The following CNTNAP5 variants were observed in gnomAD, a reference collection of about 807,000 sequenced individuals.
CNTNAP5 encodes the protein contactin-associated protein-like 5.
In CNTNAP5, 72 loss-of-function variants were observed where a neutral mutation model predicts 150.2. The observed-to-expected ratio is 0.48, with a 90% CI of 0.40 to 0.58. CNTNAP5 has a LOEUF of 0.58. CNTNAP5 is among the 20% of genes least tolerant of loss of function. The pLI is 0.00. For missense variants in CNTNAP5, 1,636 were observed against 1,626.2 expected (o/e 1.01, Z -0.10); for synonymous variants, 672 against 619.8 (o/e 1.08, Z -1.25).
chr2:124,706,952 G>C (rs1483300553), intron 13 of CNTNAP5, among the ~76,000 whole-genome samples: 2 of 133,922 alleles, frequency 1.5e-5, no homozygotes, highest in African/African-American at 3.0e-5. Context: ...GGAGGAGGAG[G>C]AGGAGGAGGA....
At chr2:124,662,434 A>G (rs187860176) in intron 13 of CNTNAP5, among the ~76,000 whole-genome samples, 1 of 152,206 alleles carries the variant, frequency 6.6e-6, no homozygotes, top group Non-Finnish European at 1.5e-5. Flanking sequence ...ACCCTTGTAC[A>G]TGAGATCTGT....
At chr2:124,557,403 C>T (rs1423719192) in intron 10 of CNTNAP5, among the ~76,000 whole-genome samples, 1 of 152,096 alleles carries the variant, frequency 6.6e-6, no homozygotes, top group African/African-American at 2.4e-5. Flanking sequence ...TGCTCAAGAG[C>T]GTGCAGGTAA....
chr2:124,415,919 C>A (rs779066368), intron 3 of CNTNAP5, among the ~76,000 whole-genome samples: 1 of 152,088 alleles, frequency 6.6e-6, no homozygotes, highest in Non-Finnish European at 1.5e-5. Flanking sequence ...AAAAAACCCC[C>A]CAATAATTTT....
rs1205034305 is a variant in CNTNAP5 at position 124,058,794 on chromosome 2, A to G, written c.82+33062A>G. On this transcript the variant is annotated intron_variant, in intron 1 of 23. Coordinates refer to ENST00000682447, the MANE Select transcript of CNTNAP5 (RefSeq NM_001367498.1). ...CTTATGAGCCAAATTTTGTCCATCA[A>G]TGACCTTCTGAAAATCCAGTCCTTG... 3.9e-5 allele frequency among the ~76,000 whole-genome samples: 6 copies of G among 152,308 alleles called. No individual in the cohort carries two copies. The East Asian group carries it at 7.7e-4, about 20-fold the overall frequency.
At chr2:124,876,500 G>T (rs756445059) in intron 21 of CNTNAP5, among the ~76,000 whole-genome samples, 1 of 151,808 alleles carries the variant, frequency 6.6e-6, no homozygotes, top group Non-Finnish European at 1.5e-5. Flanking sequence ...CATGGGCTAG[G>T]AATTGTGGCT....
intron 23 of CNTNAP5, among the ~76,000 whole-genome samples, chr2:124,912,401 G>A (rs1678674964): frequency 6.6e-6 from 1 of 152,048 alleles, no homozygotes; most frequent in Admixed American, 6.6e-5. Context: ...GTGCTAAGTA[G>A]AGGAATATGG....
chr2:124,611,583 AT>A (rs1369355051), intron 12 of CNTNAP5, among the ~76,000 whole-genome samples: 1 of 152,186 alleles, frequency 6.6e-6, no homozygotes, highest in Non-Finnish European at 1.5e-5. Flanking sequence ...GATCTCGGTT[AT>A]TTTAAAAATG....
At chr2:124,770,759 AG>A (rs1681172385) in intron 16 of CNTNAP5, among the ~76,000 whole-genome samples, 1 of 152,194 alleles carries the variant, frequency 6.6e-6, no homozygotes, top group Non-Finnish European at 1.5e-5. Context: ...CAATTTGCCT[AG>A]GTTGAAAAAT....
rs531406138 is a variant in CNTNAP5 at position 124,581,725 on chromosome 2, T to C, written c.1756+18402T>C. Among the ~76,000 whole-genome samples, 15 of 152,256 alleles carry C rather than the reference T, an allele frequency of 9.9e-5. No individual in the cohort carries two copies. The East Asian group carries it at 2.9e-3, about 29-fold the overall frequency. On this transcript the variant is annotated intron_variant, in intron 11 of 23. Coordinates refer to ENST00000682447, the MANE Select transcript of CNTNAP5 (RefSeq NM_001367498.1). ...TAGCCAGCACAGAGATGAACCAGTG[T>C]CCTGAAATGCAAACTTAATAGGAAG...
intron 22 of CNTNAP5, among the ~76,000 whole-genome samples, chr2:124,905,341 C>A (rs796558716): frequency 6.6e-6 from 1 of 151,898 alleles, no homozygotes; most frequent in African/African-American, 2.4e-5. Flanking sequence ...GGTGGGAATG[C>A]AAATTGGTAC....
chr2:124,554,967 A>G (rs929615020), intron 10 of CNTNAP5, among the ~76,000 whole-genome samples: 4 of 152,152 alleles, frequency 2.6e-5, no homozygotes, highest in Admixed American at 2.0e-4. Flanking sequence ...AAAATTAAAA[A>G]CTCAATGAAT....
chr2:124,378,875 G>A (rs1342847081), intron 3 of CNTNAP5, among the ~76,000 whole-genome samples: 1 of 152,088 alleles, frequency 6.6e-6, no homozygotes, highest in Non-Finnish European at 1.5e-5. Context: ...TTCTATGTGA[G>A]AACAACATGG....
intron 1 of CNTNAP5, among the ~76,000 whole-genome samples, chr2:124,029,492 T>C (rs969605391): frequency 2.0e-5 from 3 of 152,052 alleles, no homozygotes; most frequent in African/African-American, 2.4e-5. Flanking sequence ...CAAAACTAAA[T>C]TGATATTTCT....
intron 17 of CNTNAP5, among the ~76,000 whole-genome samples, chr2:124,776,997 A>G (rs1336468889): frequency 6.6e-6 from 1 of 152,106 alleles, no homozygotes; most frequent in African/African-American, 2.4e-5. Flanking sequence ...CCCCTTACCA[A>G]TTACATAAGG....
Position 124,527,461 on chromosome 2 carries a change from T to C in CNTNAP5, c.1649+5T>C. ...TCTGTGTAGCATCAAAGACAGGTAATTATTGTCTCTTCTCCTCTGTTCTGC... is the reference window on the plus strand; with the variant it reads ...TCTGTGTAGCATCAAAGACAGGTAACTATTGTCTCTTCTCCTCTGTTCTGC... On this transcript the variant is annotated splice_donor_5th_base_variant and intron_variant, in intron 10 of 23. Transcript: ENST00000682447. 6.2e-7 allele frequency: 1 copy of C among 1,607,836 alleles called. No homozygotes were observed. Among genetic ancestry groups the C allele is most frequent in the East Asian group, 2.2e-5 (1 of 44,708 alleles).
At chr2:124,746,352 GA>G (rs1303174641) in intron 13 of CNTNAP5, among the ~76,000 whole-genome samples, 22 of 151,990 alleles carry the variant, frequency 1.4e-4, no homozygotes, top group Admixed American at 6.6e-5. Flanking sequence ...ATTTTGTAAA[GA>G]AAAAAATTGA....
At chr2:124,592,603 G>A (rs1047683901) in intron 11 of CNTNAP5, among the ~76,000 whole-genome samples, 3 of 151,880 alleles carry the variant, frequency 2.0e-5, no homozygotes, top group Non-Finnish European at 2.9e-5. Context: ...AATTAGCAAT[G>A]ATCCAAAAGA....
intron 13 of CNTNAP5, among the ~76,000 whole-genome samples, chr2:124,739,179 G>A (rs1015772837): frequency 2.6e-5 from 4 of 152,038 alleles, no homozygotes; most frequent in African/African-American, 9.7e-5. Context: ...AATTCAACAG[G>A]CAGGGAGAAG....
chr2:124,091,060 T>C (rs1186684123), intron 1 of CNTNAP5, among the ~76,000 whole-genome samples: 1 of 152,090 alleles, frequency 6.6e-6, no homozygotes, highest in Non-Finnish European at 1.5e-5. Flanking sequence ...TTTGGATGCA[T>C]GAGGAAGCGA....
Sources: gnomAD v4.1 joint callset for allele counts (sites outside exome capture counted in the v4.1 genomes callset) on GRCh38, gnomAD v4.1.1 for gene constraint, MANE v1.5 for transcripts, NCBI Gene and HGNC (gene_info 2026-07-23, HGNC 2026-07-21) for gene names.